The following BCAS3 variants were observed in gnomAD, a reference collection of about 807,000 sequenced individuals.
BCAS3 encodes the protein BCAS4/BCAS3 fusion.
A neutral mutation model predicts 116.1 loss-of-function variants in BCAS3; 53 were observed. The observed-to-expected ratio is 0.46, with a 90% CI of 0.37 to 0.57. BCAS3 has a LOEUF of 0.57. Ranked by LOEUF, BCAS3 falls within the 20% of genes least tolerant of loss-of-function variation. The pLI is 0.00. For missense variants in BCAS3, 917 were observed against 1,165.4 expected, an observed-to-expected ratio of 0.79 and a Z score of 3.10; for synonymous variants, 391 against 408.2, an observed-to-expected ratio of 0.96 and a Z score of 0.51.
intron 22 of BCAS3, among the ~76,000 whole-genome samples, chr17:61,155,498 A>C (rs2077782739): frequency 6.7e-6 from 1 of 150,180 alleles, no homozygotes; most frequent in Non-Finnish European, 1.5e-5. Context: ...TGGTAGCAAA[A>C]AAAAAAAAAA....
chr17:61,299,166 G>A (rs1208208347), intron 22 of BCAS3, among the ~76,000 whole-genome samples: 3 of 151,766 alleles, frequency 2.0e-5, no homozygotes, highest in Middle Eastern at 3.4e-3. Flanking sequence ...TCTGAGGGCC[G>A]GGCACAGTGG....
intron 5 of BCAS3, among the ~76,000 whole-genome samples, chr17:60,726,659 G>A (rs1451730868): frequency 8.6e-5 from 13 of 151,940 alleles, no homozygotes; most frequent in East Asian, 1.9e-4. Context: ...ACAGATGCCC[G>A]CCATCACGCC....
At chr17:60,870,498 G>A (rs957595532) in intron 8 of BCAS3, among the ~76,000 whole-genome samples, 1 of 152,164 alleles carries the variant, frequency 6.6e-6, no homozygotes, top group African/African-American at 2.4e-5. Flanking sequence ...GGCAGGCAAT[G>A]TTAAGGGTAA....
Position 61,316,850 on chromosome 17 carries a change from T to TTA in BCAS3, c.2426-51475_2426-51474dup, listed in dbSNP as rs1398419289. Among the ~76,000 whole-genome samples the TTA allele has an allele frequency of 1.3e-5, 2 of 152,182 alleles. No individual in the cohort carries two copies. Among genetic ancestry groups the TTA allele is most frequent in the African/African-American group, 4.8e-5 (2 of 41,424 alleles). On this transcript the variant is annotated intron_variant, in intron 22 of 23. Transcript: ENST00000407086. The surrounding 1 kb of genome is among the most constrained non-coding windows in gnomAD (Gnocchi z 5.8). ...GGTTTATTAAATTAACAGTTGCAAT[T>TTA]TATGTTTAGCGGTTTCCCCACTAAG...
intron 5 of BCAS3, among the ~76,000 whole-genome samples, chr17:60,732,228 A>G (rs1249824212): frequency 6.6e-6 from 1 of 152,118 alleles, no homozygotes; most frequent in East Asian, 1.9e-4. Flanking sequence ...TAGCTTTTTA[A>G]ACTACTGATC....
At chr17:60,709,087 G>T in intron 4 of BCAS3, 132 bp from the exon 5 acceptor site, 1 of 535,882 alleles carries the variant, frequency 1.9e-6, no homozygotes, top group Non-Finnish European at 3.3e-6. Context: ...GAGAATTCTG[G>T]CTATGAAGAG....
At chr17:61,066,728 G>T (rs546021660) in intron 19 of BCAS3, among the ~76,000 whole-genome samples, 1 of 152,162 alleles carries the variant, frequency 6.6e-6, no homozygotes, top group South Asian at 2.1e-4. Context: ...ATTTTAGAAA[G>T]AATTTGATTC....
chr17:61,312,820 C>T (rs960228771), intron 22 of BCAS3, among the ~76,000 whole-genome samples: 6 of 152,154 alleles, frequency 3.9e-5, no homozygotes, highest in South Asian at 2.1e-4. Context: ...GCAGTAGCCT[C>T]GGGGTCAGGA....
chr17:61,049,436 T>TG (rs1449012019), intron 19 of BCAS3, among the ~76,000 whole-genome samples: 2 of 151,822 alleles, frequency 1.3e-5, no homozygotes, highest in Admixed American at 1.3e-4. Context: ...CACTGAACTG[T>TG]GGGAAAATAT....
At chr17:61,329,872 C>G (rs993806602) in intron 22 of BCAS3, among the ~76,000 whole-genome samples, 3 of 152,142 alleles carry the variant, frequency 2.0e-5, no homozygotes, top group African/African-American at 7.2e-5. Flanking sequence ...GCTCAGTCTT[C>G]GAGCAGCTGT....
intron 13 of BCAS3, among the ~76,000 whole-genome samples, chr17:60,941,354 C>T (rs2060212768): frequency 6.6e-6 from 1 of 152,086 alleles, no homozygotes; most frequent in Non-Finnish European, 1.5e-5. Flanking sequence ...ATAAATAGTT[C>T]TCAAGCCACA....
chr17:61,208,553 AAG>A lies in BCAS3; in HGVS notation c.2425+123996_2425+123997del, dbSNP rs2081278010. On this transcript the variant is annotated intron_variant, in intron 22 of 23. Transcript: ENST00000407086. This position sits in a 1 kb window ranked among gnomAD's most constrained non-coding sequence, Gnocchi z 4.5. ...CAGCTTAATTTGAGGATGTTCTGAA[AAG>A]AGAGAGGGAGAAACAAAGCACGTGG... Among the ~76,000 whole-genome samples, 1 of 152,178 alleles carries A rather than the reference AAG, an allele frequency of 6.6e-6. No homozygotes were observed. Among genetic ancestry groups the A allele is most frequent in the Non-Finnish European group, 1.5e-5 (1 of 68,028 alleles).
At chr17:61,210,638 T>C (rs1297045890) in intron 22 of BCAS3, among the ~76,000 whole-genome samples, 1 of 152,212 alleles carries the variant, frequency 6.6e-6, no homozygotes, top group Non-Finnish European at 1.5e-5. Flanking sequence ...AGAATGGCCT[T>C]GTGTTGTCAG....
In BCAS3 at chr17:60,960,829, G is replaced by T. The variant is rs955379681; in HGVS notation, c.1221+13477G>T. On this transcript the variant is annotated intron_variant, in intron 14 of 23. Coordinates refer to ENST00000407086, the MANE Select transcript of BCAS3 (RefSeq NM_017679.5). This position sits in a 1 kb window ranked among gnomAD's most constrained non-coding sequence, Gnocchi z 4.1. ...TTTGTGCCTTTCAGTCCAAGATGGC[G>T]GTGTTTCTGCAGATACTACATTCTC... Among the ~76,000 whole-genome samples, 1 of 151,228 alleles carries T rather than the reference G, an allele frequency of 6.6e-6. No individual in the cohort carries two copies. Among genetic ancestry groups the T allele is most frequent in the Non-Finnish European group, 1.5e-5 (1 of 67,922 alleles).
At chr17:60,940,781 T>C (rs2060182677) in intron 13 of BCAS3, among the ~76,000 whole-genome samples, 1 of 152,316 alleles carries the variant, frequency 6.6e-6, no homozygotes, top group African/African-American at 2.4e-5. Flanking sequence ...TGTCTCTTTT[T>C]GGAAAAGAGT....
At chr17:60,696,373 C>A (rs545991215) in intron 4 of BCAS3, 1 of 152,294 alleles carries the variant, frequency 6.6e-6, no homozygotes, top group South Asian at 2.1e-4. Context: ...GTAGGAGAAT[C>A]GCTCGAGTCC....
At chr17:60,988,991 T>C (rs778854764) in intron 14 of BCAS3, among the ~76,000 whole-genome samples, 4 of 152,062 alleles carry the variant, frequency 2.6e-5, no homozygotes, top group Non-Finnish European at 4.4e-5. Flanking sequence ...TTTGAAGTTT[T>C]CCTTTTTTTT....
intron 11 of BCAS3, among the ~76,000 whole-genome samples, chr17:60,909,993 T>C (rs1599616242): frequency 6.6e-6 from 1 of 152,178 alleles, no homozygotes; most frequent in Non-Finnish European, 1.5e-5. Context: ...GTGTTTTCCA[T>C]ATGCCAAATC....
chr17:61,285,149 C>T lies in BCAS3; in HGVS notation c.2426-83178C>T, dbSNP rs192750931. On this transcript the variant is annotated intron_variant, in intron 22 of 23. Transcript: ENST00000407086. The surrounding 1 kb of genome is among the most constrained non-coding windows in gnomAD (Gnocchi z 5.4). Reference sequence around the variant, plus strand: ...CTGAAACTGCTTCCACCTGGGCAGACCAGGGACCACAGGAACCAGAGAAAT... The same window carrying T: ...CTGAAACTGCTTCCACCTGGGCAGATCAGGGACCACAGGAACCAGAGAAAT... 2.8e-3 allele frequency among the ~76,000 whole-genome samples: 426 copies of T among 152,104 alleles called. 3 individuals are homozygous for T. The highest frequency in any genetic ancestry group is 9.4e-3 in the African/African-American group (388 of 41,480).
Sources: gnomAD v4.1 joint callset for allele counts (sites outside exome capture counted in the v4.1 genomes callset) on GRCh38, gnomAD v4.1.1 for gene constraint, Gnocchi (gnomAD v3.1) non-coding constraint, MANE v1.5 for transcripts, NCBI Gene and HGNC (gene_info 2026-07-23, HGNC 2026-07-21) for gene names.